The following DMD variants were observed in gnomAD, a reference collection of about 807,000 sequenced individuals.
DMD encodes mutant dystrophin.
Under a neutral mutation model 330.1 loss-of-function variants are expected in DMD, and 63 were observed. That is an observed-to-expected ratio of 0.19 (90% CI 0.16 to 0.24). DMD has a LOEUF of 0.24. DMD is among the 10% of genes least tolerant of loss of function. DMD has a pLI of 1.00. For missense variants in DMD, 3,344 were observed against 2,684.1 expected, an observed-to-expected ratio of 1.25 and a Z score of -5.43; for synonymous variants, 1,223 against 959.8, an observed-to-expected ratio of 1.27 and a Z score of -5.07.
chrX:32,297,046 C>G (rs2097499594), intron 42 of DMD, among the ~76,000 whole-genome samples: 1 of 110,351 alleles, frequency 9.1e-6, no homozygotes, highest in African/African-American at 3.3e-5. Flanking sequence ...TTCCCCATTT[C>G]ATCTTTCCCT....
intron 47 of DMD, among the ~76,000 whole-genome samples, chrX:31,899,687 C>A (rs765894358): frequency 4.2e-4 from 46 of 110,530 alleles, no homozygotes; most frequent in African/African-American, 1.5e-3. Context: ...ATTTTCTTAA[C>A]CATAACAGTC....
intron 2 of DMD, among the ~76,000 whole-genome samples, chrX:33,014,183 GT>G (rs2093755724): frequency 1.8e-5 from 2 of 111,432 alleles, no homozygotes; most frequent in South Asian, 7.5e-4. Context: ...AAGGGATGAA[GT>G]TGTGAAGGCC....
At chrX:31,380,079 G>A in intron 60 of DMD, among the ~76,000 whole-genome samples, 2 of 110,370 alleles carry the variant, frequency 1.8e-5, no homozygotes, top group Middle Eastern at 4.6e-3. Context: ...TAATCAATAC[G>A]GAGGCTACCC....
chrX:31,646,136 C>T (rs2080080141), intron 54 of DMD, among the ~76,000 whole-genome samples: 1 of 111,572 alleles, frequency 9.0e-6, no homozygotes, highest in African/African-American at 3.3e-5. Context: ...CAATATTCCT[C>T]TCTCTATTAA....
intron 67 of DMD, among the ~76,000 whole-genome samples, chrX:31,187,717 C>G (rs202058235): frequency 0.026 from 1,760 of 66,697 alleles, 78 homozygotes; most frequent in South Asian, 0.095. Flanking sequence ...CCCAGATTCT[C>G]AGAGAGAGAG....
intron 60 of DMD, among the ~76,000 whole-genome samples, chrX:31,421,962 C>T (rs7473903): frequency 0.012 from 770 of 63,877 alleles, 29 homozygotes; most frequent in African/African-American, 0.078. Flanking sequence ...TATATATACA[C>T]ATATATATAT....
Position 32,862,864 on chromosome X carries a change from G to A in DMD, c.94-13044C>T, listed in dbSNP as rs767317161. ...CGATTCTCCTGCCTCCGCGTCCCTA[G>A]TAGCTGGGATTACAGGCGCGAGCCA... On this transcript the variant is annotated intron_variant, in intron 2 of 78. Coordinates refer to ENST00000357033, the MANE Select transcript of DMD (RefSeq NM_004006.3). Among the ~76,000 whole-genome samples, 8 of 110,602 alleles carry A rather than the reference G, an allele frequency of 7.2e-5. No individual in the cohort carries two copies. In the South Asian group the frequency reaches 1.6e-3, roughly 21 times the overall value.
At chrX:31,260,903 T>C in intron 63 of DMD, 52 bp downstream of exon 63, 1 of 1,118,990 alleles carries the variant, frequency 8.9e-7, no homozygotes, top group Non-Finnish European at 1.2e-6. Context: ...AACTACTTTA[T>C]CCTAAAGGTC....
chrX:32,406,047 T>C (rs1362714485), intron 30 of DMD, among the ~76,000 whole-genome samples: 2 of 111,593 alleles, frequency 1.8e-5, no homozygotes, highest in Non-Finnish European at 3.8e-5. Context: ...GATTTGGCTC[T>C]CTGTTTGTCT....
At chrX:32,625,477 G>GCAA (rs2058288334) in intron 11 of DMD, among the ~76,000 whole-genome samples, 1 of 111,844 alleles carries the variant, frequency 8.9e-6, no homozygotes, top group Non-Finnish European at 1.9e-5. Flanking sequence ...ATCCTTATTT[G>GCAA]CAAGTACTTA....
chrX:32,545,336 T>A lies in DMD; in HGVS notation c.1993-2A>T. 8.3e-7 allele frequency: 1 copy of A among 1,209,799 alleles called. No homozygotes were observed. The highest frequency in any genetic ancestry group is 1.1e-6 in the Non-Finnish European group (1 of 894,030). On this transcript the variant is annotated splice_acceptor_variant, in intron 16 of 78. Coordinates refer to ENST00000357033, the MANE Select transcript of DMD (RefSeq NM_004006.3). LOFTEE classifies it high-confidence loss of function. Reference sequence around the variant, plus strand: ...AGTGGTGGTGACAGCCTGTGAAATCTGTGAGAAGTATTGAAACAGAGGTCA... The same window carrying A: ...AGTGGTGGTGACAGCCTGTGAAATCAGTGAGAAGTATTGAAACAGAGGTCA...
At chrX:32,785,593 A>G (rs2075282758) in intron 7 of DMD, among the ~76,000 whole-genome samples, 1 of 111,757 alleles carries the variant, frequency 8.9e-6, no homozygotes, top group South Asian at 3.7e-4. Context: ...AGATATTATC[A>G]TTTAATGGAA....
intron 1 of DMD, among the ~76,000 whole-genome samples, chrX:33,040,896 C>G (rs1334540029): frequency 9.0e-6 from 1 of 111,709 alleles, no homozygotes; most frequent in Non-Finnish European, 1.9e-5. Flanking sequence ...TATGCTTGAA[C>G]TAACAGACAA....
intron 1 of DMD, among the ~76,000 whole-genome samples, chrX:33,270,335 G>GA (rs200565487): frequency 0.13 from 13,581 of 104,284 alleles, 1,077 homozygotes; most frequent in East Asian, 0.26. Context: ...AATAGACAAG[G>GA]AAAAAAAAAA....
intron 50 of DMD, among the ~76,000 whole-genome samples, chrX:31,782,801 A>C (rs368355184): frequency 1.8e-5 from 2 of 111,835 alleles, no homozygotes; most frequent in Admixed American, 1.9e-4. Context: ...GGAGTCTTTA[A>C]GTTAAAATGT....
At chrX:31,622,614 C>T (rs1404962440) in intron 55 of DMD, among the ~76,000 whole-genome samples, 2 of 109,197 alleles carry the variant, frequency 1.8e-5, no homozygotes, top group African/African-American at 3.3e-5. Context: ...AGAAGGAAGC[C>T]ATCTGCAAAC....
At chrX:33,021,746 C>T (rs2093918392) in intron 1 of DMD, among the ~76,000 whole-genome samples, 1 of 111,607 alleles carries the variant, frequency 9.0e-6, no homozygotes, top group East Asian at 2.8e-4. Context: ...TTACAAAATA[C>T]ATTTTTCTTA....
chrX:31,334,654 C>T (rs983415412), intron 61 of DMD, among the ~76,000 whole-genome samples: 15 of 112,210 alleles, frequency 1.3e-4, no homozygotes, highest in Non-Finnish European at 2.3e-4. Context: ...ATGAATACTA[C>T]AGGCACAGTA....
At chrX:31,887,972 A>G (rs1458284779) in intron 47 of DMD, among the ~76,000 whole-genome samples, 1 of 112,304 alleles carries the variant, frequency 8.9e-6, no homozygotes, top group Non-Finnish European at 1.9e-5. Flanking sequence ...GTACACTTTG[A>G]AAACGCTTAT....
Sources: gnomAD v4.1 joint callset for allele counts (sites outside exome capture counted in the v4.1 genomes callset) on GRCh38, gnomAD v4.1.1 for gene constraint, MANE v1.5 for transcripts, NCBI Gene and HGNC (gene_info 2026-07-23, HGNC 2026-07-21) for gene names.